Variants in LYRM4 observed in about 807,000 individuals in gnomAD.
LYRM4 encodes the protein LYR motif containing 4.
In LYRM4, 9 loss-of-function variants were observed where a neutral mutation model predicts 11.7. The ratio of observed to expected loss-of-function variants is 0.77; its 90% CI spans 0.46 to 1.34. The LOEUF (loss-of-function observed/expected upper bound fraction) is 1.34, where lower values mean the gene tolerates loss of function less well. Ranked by LOEUF, LYRM4 falls within the 40% of genes most tolerant of loss-of-function variation. The pLI is 0.00. For synonymous variants in LYRM4, 42 were observed against 40.4 expected (o/e 1.04, Z -0.15); for missense variants, 133 against 112.5 (o/e 1.18, Z -0.82).
rs146157176 is a variant in LYRM4 at position 5,245,809 on chromosome 6, G to A, written c.86+14839C>T. 2.0e-5 allele frequency among the ~76,000 whole-genome samples: 3 copies of A among 152,320 alleles called. No individual in the cohort carries two copies. The East Asian group carries it at 5.8e-4, about 29-fold the overall frequency. ...CAGAGTGCCTTGCTGGGGTCCAGGC[G>A]AGTGAGTGCAGAAGATCTTAAGACA... On this transcript the variant is annotated intron_variant, in intron 1 of 2. Transcript: ENST00000330636.
chr6:5,144,937 A>G (rs1757634234), intron 2 of LYRM4, among the ~76,000 whole-genome samples: 2 of 152,332 alleles, frequency 1.3e-5, no homozygotes, highest in African/African-American at 4.8e-5. Context: ...CGCAGGCCAC[A>G]GAGTTTCTAG....
chr6:5,214,787 A>G (rs1762178008), intron 2 of LYRM4, among the ~76,000 whole-genome samples: 1 of 152,242 alleles, frequency 6.6e-6, no homozygotes, highest in South Asian at 2.1e-4. Context: ...GAGTCTTGAC[A>G]TGAAAGGGAA....
In LYRM4 at chr6:5,194,068, T is replaced by G. The variant is rs1433257086; in HGVS notation, c.207+22550A>C. 9.9e-5 allele frequency among the ~76,000 whole-genome samples: 9 copies of G among 91,288 alleles called. No individual in the cohort carries two copies. The Admixed American group carries it at 1.5e-3, about 15-fold the overall frequency. The allele number at this position is 91,288 out of a possible 152,430, so 59.9% of individuals were successfully genotyped here. A position where few individuals can be genotyped will look rare whatever the true frequency, so the allele number is the denominator to read the frequency against. On this transcript the variant is annotated intron_variant, in intron 2 of 2. Transcript: ENST00000330636. ...AGAGAAACAGAACCAACAGGGTGTG[T>G]GTGGGGGGGTGGGGGGTGGGGGAAG...
At chr6:5,259,678 A>G (rs965615107) in intron 1 of LYRM4, among the ~76,000 whole-genome samples, 2 of 152,338 alleles carry the variant, frequency 1.3e-5, no homozygotes, top group South Asian at 2.1e-4. Flanking sequence ...CTCTTATGAC[A>G]TCCAATCCAC....
the LYRM4 span, among the ~76,000 whole-genome samples, chr6:5,045,981 C>T: frequency 3.3e-5 from 5 of 152,082 alleles, no homozygotes; most frequent in African/African-American, 9.7e-5. Context: ...CAGTGGGAAG[C>T]GGGAACGTCT....
the LYRM4 span, among the ~76,000 whole-genome samples, chr6:5,057,584 T>TG: frequency 3.3e-5 from 5 of 151,988 alleles, no homozygotes; most frequent in East Asian, 3.9e-4. Flanking sequence ...CCAGGTATGA[T>TG]GGCGCCTGTA....
Position 5,169,834 on chromosome 6 carries a change from G to C in LYRM4, c.207+46784C>G, listed in dbSNP as rs71540851. On this transcript the variant is annotated intron_variant, in intron 2 of 2. Coordinates refer to ENST00000330636, the MANE Select transcript of LYRM4 (RefSeq NM_020408.6). ...GAGCCTTCTATTGGGATTGGAGGGA[G>C]GGACCCATGACCAGTGTAGGAGGGA... is the stretch of plus-strand genomic sequence containing the variant. Among the ~76,000 whole-genome samples, 1,438 of 152,282 alleles carry C rather than the reference G, an allele frequency of 9.4e-3. 27 individuals carry two copies. Among genetic ancestry groups the C allele is most frequent in the African/African-American group, 0.031 (1,309 of 41,556 alleles).
chr6:5,159,191 T>C (rs1422267208), intron 2 of LYRM4, among the ~76,000 whole-genome samples: 1 of 152,202 alleles, frequency 6.6e-6, no homozygotes, highest in Admixed American at 6.5e-5. Context: ...ATGGTCCCCA[T>C]GGGGTCCTGG....
chr6:5,168,262 A>C (rs946108534), intron 2 of LYRM4, among the ~76,000 whole-genome samples: 2 of 152,228 alleles, frequency 1.3e-5, no homozygotes, highest in Non-Finnish European at 1.5e-5. Context: ...CAATGGATGC[A>C]AAACGTGGGC....
intron 2 of LYRM4, among the ~76,000 whole-genome samples, chr6:5,147,609 C>T (rs1481098528): frequency 6.6e-6 from 1 of 152,166 alleles, no homozygotes; most frequent in Non-Finnish European, 1.5e-5. Context: ...CATGTGACTA[C>T]CTGTTTTATA....
the LYRM4 span, among the ~76,000 whole-genome samples, chr6:5,079,760 A>G: frequency 9.8e-5 from 15 of 152,380 alleles, no homozygotes; most frequent in African/African-American, 3.1e-4. Context: ...GGCCAGTCCA[A>G]TCAAATGGTT....
chr6:5,150,825 T>C (rs1230147650), intron 2 of LYRM4, among the ~76,000 whole-genome samples: 1 of 152,182 alleles, frequency 6.6e-6, no homozygotes, highest in Non-Finnish European at 1.5e-5. Context: ...GTCCTCAATG[T>C]GTTTCTAAGG....
At chr6:5,187,273 A>C (rs1341875756) in intron 2 of LYRM4, among the ~76,000 whole-genome samples, 3 of 152,208 alleles carry the variant, frequency 2.0e-5, no homozygotes, top group Non-Finnish European at 4.4e-5. Flanking sequence ...TTCAGTCCAC[A>C]TTTTAAATGT....
intron 2 of LYRM4, among the ~76,000 whole-genome samples, chr6:5,134,625 G>A (rs1451227912): frequency 1.3e-5 from 2 of 152,130 alleles, no homozygotes; most frequent in Non-Finnish European, 1.5e-5. Context: ...AAAACAATAC[G>A]GGAGAGCATG....
At chr6:5,167,521 A>G (rs1242244497) in intron 2 of LYRM4, among the ~76,000 whole-genome samples, 1 of 151,854 alleles carries the variant, frequency 6.6e-6, no homozygotes, top group Non-Finnish European at 1.5e-5. Flanking sequence ...TTTAACAGCA[A>G]CTCCTTTTAT....
intron 2 of LYRM4, among the ~76,000 whole-genome samples, chr6:5,208,995 T>A (rs951205508): frequency 2.0e-5 from 3 of 152,232 alleles, no homozygotes; most frequent in Non-Finnish European, 4.4e-5. Flanking sequence ...CTGGTCATTG[T>A]ATATAAATTC....
At chr6:5,172,381 CGAGGGA>C (rs1167949264) in intron 2 of LYRM4, among the ~76,000 whole-genome samples, 3 of 152,102 alleles carry the variant, frequency 2.0e-5, no homozygotes, top group Non-Finnish European at 4.4e-5. Context: ...CAAATACTTT[CGAGGGA>C]GAGGAAGCTC....
chr6:5,257,736 T>C (rs1764748097), intron 1 of LYRM4, among the ~76,000 whole-genome samples: 2 of 152,152 alleles, frequency 1.3e-5, no homozygotes, highest in African/African-American at 4.8e-5. Flanking sequence ...CCTGATGATC[T>C]GAGGTGGAAG....
At chr6:5,216,582 C>G in intron 2 of LYRM4, 36 bp downstream of exon 2, 1 of 1,612,644 alleles carries the variant, frequency 6.2e-7, no homozygotes, top group Non-Finnish European at 8.5e-7. Context: ...GTTTAAAGCT[C>G]TTAATGAAAA....
Sources: gnomAD v4.1 joint callset for allele counts (sites outside exome capture counted in the v4.1 genomes callset) on GRCh38, gnomAD v4.1.1 for gene constraint, MANE v1.5 for transcripts, NCBI Gene and HGNC (gene_info 2026-07-23, HGNC 2026-07-21) for gene names.